Variants in CD9 observed in about 807,000 individuals in gnomAD.
CD9 encodes CD9 molecule.
A neutral mutation model predicts 31.4 loss-of-function variants in CD9; 10 were observed. The ratio of observed to expected loss-of-function variants is 0.32; its 90% CI spans 0.20 to 0.54. CD9 has a LOEUF of 0.54. CD9 is among the 20% of genes least tolerant of loss of function. The pLI, the probability that CD9 is intolerant of heterozygous loss-of-function variation, is 0.94. For synonymous variants in CD9, 113 were observed against 114.1 expected (o/e 0.99, Z 0.06); for missense variants, 259 against 300.1 (o/e 0.86, Z 1.01).
At position 6,232,814 on chromosome 12, in the gene CD9, G is replaced by A. The variant is rs1946466032; in HGVS notation, c.273+85G>A. 1 of 880,868 alleles carries A rather than the reference G, an allele frequency of 1.1e-6. No homozygotes were observed. Among genetic ancestry groups the A allele is most frequent in the Non-Finnish European group, 1.8e-6 (1 of 549,238 alleles). 54.6% of individuals were successfully genotyped at this position (880,868 alleles called of 1,614,324 possible). On this transcript the variant is annotated intron_variant, in intron 3 of 7. Transcript: ENST00000009180. This position sits in a 1 kb window ranked among gnomAD's most constrained non-coding sequence, Gnocchi z 4.8. ...AGGCCCAGACCCAGACCACAGAACAGATGGAGGGGGATGGGGTCAGGAAGG... is the reference window on the plus strand; with the variant it reads ...AGGCCCAGACCCAGACCACAGAACAAATGGAGGGGGATGGGGTCAGGAAGG...
In CD9 at chr12:6,233,400, G is replaced by A. The variant is rs191111527; in HGVS notation, c.274-12G>A. ...GGGACTGTTCTCACCCCGTCCCCTC[G>A]TTGCCTTCCAGTTCTTCGGCTTCCT... On this transcript the variant is annotated splice_polypyrimidine_tract_variant and intron_variant, in intron 3 of 7. Transcript: ENST00000009180. 2.1e-5 allele frequency: 34 copies of A among 1,611,474 alleles called. No individual in the cohort carries two copies. The highest frequency in any genetic ancestry group is 1.1e-4 in the East Asian group (5 of 44,870).
intron 1 of CD9, among the ~76,000 whole-genome samples, chr12:6,219,611 A>G (rs750877441): frequency 9.8e-4 from 148 of 151,588 alleles, no homozygotes; most frequent in Admixed American, 2.5e-3. Flanking sequence ...TCAGCCTCCC[A>G]AGTAGCTGGT....
intron 2 of CD9, among the ~76,000 whole-genome samples, chr12:6,231,266 T>C (rs1316472173): frequency 1.3e-5 from 2 of 152,234 alleles, no homozygotes; most frequent in Non-Finnish European, 2.9e-5. Flanking sequence ...ACAGCTAGCA[T>C]TTGTTGTGCA....
chr12:6,233,458 C>T lies in CD9; in HGVS notation c.320C>T (p.Ala107Val), dbSNP rs372150598. Residue 107 changes from alanine to valine, a missense_variant, in exon 4 of 8, where the codon GCC becomes GTC. Coordinates refer to ENST00000009180, the MANE Select transcript of CD9 (RefSeq NM_001769.4). ...ATATTCGCCATTGAAATAGCTGCGG[C>T]CATCTGGGGATATTCCCACAAGGAT... Reference protein sequence around the residue: ...LVIFAIEIAAAIWGYSHKDEV... With the variant: ...LVIFAIEIAAVIWGYSHKDEV... 1.9e-6 allele frequency: 3 copies of T among 1,613,932 alleles called. No homozygotes were observed. The highest frequency in any genetic ancestry group is 2.7e-5 in the African/African-American group (2 of 74,924).
intron 4 of CD9, 151 bp downstream of exon 4, chr12:6,233,637 G>A: frequency 1.5e-6 from 1 of 653,136 alleles, no homozygotes; most frequent in Non-Finnish European, 2.7e-6. Context: ...CAGCGAATGT[G>A]CCCTCCTCGG....
At chr12:6,216,000 C>A (rs1377905848) in intron 1 of CD9, among the ~76,000 whole-genome samples, 1 of 152,192 alleles carries the variant, frequency 6.6e-6, no homozygotes, top group Admixed American at 6.5e-5. Flanking sequence ...ACAGCCCCAG[C>A]CTTCATTTGG....
intron 1 of CD9, among the ~76,000 whole-genome samples, chr12:6,216,361 A>G (rs1185360761): frequency 6.6e-6 from 1 of 152,210 alleles, no homozygotes; most frequent in Non-Finnish European, 1.5e-5. Flanking sequence ...CCTGGGTGCT[A>G]TGGACAACTA....
At chr12:6,211,647 G>A (rs76143147) in intron 1 of CD9, among the ~76,000 whole-genome samples, 4 of 152,172 alleles carry the variant, frequency 2.6e-5, no homozygotes, top group South Asian at 2.1e-4. Flanking sequence ...CAGACAGCTC[G>A]GCGAGGCATA....
chr12:6,225,276 C>A (rs1332919221), intron 1 of CD9, 150 bp from the exon 2 acceptor site: 16 of 621,530 alleles, frequency 2.6e-5, no homozygotes, highest in Non-Finnish European at 4.4e-5. Context: ...CAAACACACC[C>A]CGTAATGGCA....
intron 1 of CD9, among the ~76,000 whole-genome samples, chr12:6,205,587 C>T (rs1228443943): frequency 6.6e-6 from 1 of 152,216 alleles, no homozygotes; most frequent in Non-Finnish European, 1.5e-5. Flanking sequence ...CCCTTACACA[C>T]ATAGATCCTG....
rs558389455 is a variant in CD9, at chr12:6,237,966, A to G, written c.*138A>G. On this transcript the variant is annotated 3_prime_UTR_variant, in exon 8 of 8. Coordinates refer to ENST00000009180, the MANE Select transcript of CD9 (RefSeq NM_001769.4). ...TAGTATTCATTCTGCATTGCTAGATAAAAGCTGAAGTTACTTTATGTTTGT... is the reference window on the plus strand; with the variant it reads ...TAGTATTCATTCTGCATTGCTAGATGAAAGCTGAAGTTACTTTATGTTTGT... The G allele has an allele frequency of 3.4e-6, 2 of 591,620 alleles. No homozygotes were observed. Among genetic ancestry groups the G allele is most frequent in the African/African-American group, 1.9e-5 (1 of 53,498 alleles). The allele number at this position is 591,620 out of a possible 1,614,324, so 36.6% of individuals were successfully genotyped here. A position where few individuals can be genotyped will look rare whatever the true frequency, so the allele number is the denominator to read the frequency against.
intron 1 of CD9, among the ~76,000 whole-genome samples, chr12:6,214,342 C>CTCTTTT (rs1946221146): frequency 1.4e-5 from 1 of 71,072 alleles, no homozygotes; most frequent in East Asian, 3.9e-4. Context: ...GACCATTAGC[C>CTCTTTT]TCTTTTTTTT....
At chr12:6,227,443 C>T (rs945373250) in intron 2 of CD9, among the ~76,000 whole-genome samples, 2 of 152,210 alleles carry the variant, frequency 1.3e-5, no homozygotes, top group African/African-American at 4.8e-5. Flanking sequence ...GGTGATCCTC[C>T]CGTCTTGGCT....
chr12:6,209,600 T>C (rs188296192), intron 1 of CD9, among the ~76,000 whole-genome samples: 1 of 151,814 alleles, frequency 6.6e-6, no homozygotes, highest in Non-Finnish European at 1.5e-5. Flanking sequence ...CTCTTCATAC[T>C]CTCCTTTCCT....
intron 2 of CD9, among the ~76,000 whole-genome samples, chr12:6,229,820 CTT>C (rs60302514): frequency 8.1e-5 from 11 of 136,014 alleles, no homozygotes; most frequent in Admixed American, 1.5e-4. Flanking sequence ...ACCAGCCTTT[CTT>C]TTTTTTTTTT....
rs533380141 is a variant in CD9 at position 6,222,616 on chromosome 12, G to A, written c.67-2810G>A. ...CTGAGATGCTTCCTTTTCCCTCGTGGTTCCAGTTCTCCAGCCCAGCATCCT... is the reference window on the plus strand; with the variant it reads ...CTGAGATGCTTCCTTTTCCCTCGTGATTCCAGTTCTCCAGCCCAGCATCCT... On this transcript the variant is annotated intron_variant, in intron 1 of 7. Coordinates refer to ENST00000009180, the MANE Select transcript of CD9 (RefSeq NM_001769.4). 3.3e-5 allele frequency among the ~76,000 whole-genome samples: 5 copies of A among 152,338 alleles called. No individual in the cohort carries two copies. In the East Asian group the frequency reaches 9.6e-4, roughly 29 times the overall value.
intron 1 of CD9, among the ~76,000 whole-genome samples, chr12:6,224,656 CT>C (rs1314191132): frequency 6.6e-6 from 1 of 152,198 alleles, no homozygotes; most frequent in Admixed American, 6.5e-5. Context: ...GGCTACCACA[CT>C]GGAGGCCTGT....
Position 6,232,942 on chromosome 12 carries a change from T to C in CD9, c.273+213T>C, listed in dbSNP as rs1459235963. The C allele has an allele frequency of 1.0e-5, 7 of 702,502 alleles. No individual in the cohort carries two copies. The highest frequency in any genetic ancestry group is 4.0e-5 in the Admixed American group (2 of 49,994). The allele number at this position is 702,502 out of a possible 1,614,324, so 43.5% of individuals were successfully genotyped here. On this transcript the variant is annotated intron_variant, in intron 3 of 7. Coordinates refer to ENST00000009180, the MANE Select transcript of CD9 (RefSeq NM_001769.4). The surrounding 1 kb of genome is among the most constrained non-coding windows in gnomAD (Gnocchi z 4.8). ...TGTCTTATCGCTTCCCCTAGGCAAC[T>C]AAAAGGACTATGTTTCCCCCTTTTC...
At position 6,226,718 on chromosome 12, in the gene CD9, GAGAA is replaced by G. The variant is rs545072104; in HGVS notation, c.175+1187_175+1190del. Among the ~76,000 whole-genome samples the G allele has an allele frequency of 3.3e-5, 5 of 152,278 alleles. No homozygotes were observed. The East Asian group carries it at 7.7e-4, about 23-fold the overall frequency. On this transcript the variant is annotated intron_variant, in intron 2 of 7. Transcript: ENST00000009180. ...CTCTCTATTATCGGAAAGAAAGTGA[GAGAA>G]AGCACAATGTATGTTTAGAAAAAAA...
Sources: gnomAD v4.1 joint callset for allele counts (sites outside exome capture counted in the v4.1 genomes callset) on GRCh38, gnomAD v4.1.1 for gene constraint, Gnocchi (gnomAD v3.1) non-coding constraint, MANE v1.5 for transcripts, NCBI Gene and HGNC (gene_info 2026-07-23, HGNC 2026-07-21) for gene names.